FAM124B: variants seen among roughly 807,000 people sequenced by gnomAD.
The protein encoded by FAM124B is family with sequence similarity 124 member B, also known as protein FAM124B.
Under a neutral mutation model 19.7 loss-of-function variants are expected in FAM124B, and 18 were observed. The ratio of observed to expected loss-of-function variants is 0.92; its 90% CI spans 0.63 to 1.36. The LOEUF (loss-of-function observed/expected upper bound fraction) is 1.36. FAM124B is among the 40% of genes most tolerant of loss of function. The pLI is 0.00. For missense variants in FAM124B, 540 were observed against 553.3 expected (o/e 0.98, Z 0.24); for synonymous variants, 223 against 225.2 (o/e 0.99, Z 0.09).
At chr2:224,385,579 A>C (rs1393744524) in intron 1 of FAM124B, among the ~76,000 whole-genome samples, 11 of 152,180 alleles carry the variant, frequency 7.2e-5, no homozygotes. Context: ...CTGTCCCTTA[A>C]GCTTCATCTG....
chr2:224,388,421 T>A (rs1347985956), intron 1 of FAM124B, among the ~76,000 whole-genome samples: 3 of 152,232 alleles, frequency 2.0e-5, no homozygotes, highest in Non-Finnish European at 4.4e-5. Flanking sequence ...TAATAAATGC[T>A]ACAGCACTGA....
At chr2:224,400,436 G>A (rs1690046523) in intron 1 of FAM124B, 1 of 695,568 alleles carries the variant, frequency 1.4e-6, no homozygotes. Flanking sequence ...AACCCAGAAG[G>A]TGAAGACCTC....
chr2:224,398,386 C>T (rs1242209899), intron 1 of FAM124B, among the ~76,000 whole-genome samples: 2 of 152,132 alleles, frequency 1.3e-5, no homozygotes, highest in African/African-American at 2.4e-5. Flanking sequence ...GCCTGAGCCA[C>T]CACGCCCAAG....
At chr2:224,386,969 G>T (rs1298359985) in intron 1 of FAM124B, among the ~76,000 whole-genome samples, 3 of 152,068 alleles carry the variant, frequency 2.0e-5, no homozygotes, top group Admixed American at 6.5e-5. Context: ...CTTAAGAGAG[G>T]GGAATGTCCA....
At position 224,401,573 on chromosome 2, in the gene FAM124B, C is replaced by T. The variant is rs763486999; in HGVS notation, c.196G>A (p.Gly66Arg). Residue 66 changes from glycine (G) to arginine (R), a missense_variant, in exon 1 of 2, where the codon GGG becomes AGG. By Grantham distance (125) the Gly-to-Arg change is moderately radical. Coordinates refer to ENST00000409685, the MANE Select transcript of FAM124B (RefSeq NM_001122779.2). Reference sequence around the variant, plus strand: ...TGCAGGAAGAGCAACACGGACATCCCTGGAAACCGGGACCGCTTGGAATGG... The same window carrying T: ...TGCAGGAAGAGCAACACGGACATCCTTGGAAACCGGGACCGCTTGGAATGG... ...KSHSKRSRFPGMSVLLFLHES... is the reference protein window; with the variant it reads ...KSHSKRSRFPRMSVLLFLHES... 7 of 1,614,218 alleles carry T rather than the reference C, an allele frequency of 4.3e-6. No homozygotes were observed. The highest frequency in any genetic ancestry group is 5.9e-6 in the Non-Finnish European group (7 of 1,180,038).
rs542865785 is a variant in FAM124B at position 224,382,478 on chromosome 2, C to T, written c.733-2270G>A. ...AATCTGGAGTGCAATGGCGCAATCT[C>T]AGCTCACTGCAACCTCCACCTGCCA... On this transcript the variant is annotated intron_variant, in intron 1 of 1. Transcript: ENST00000409685. Among the ~76,000 whole-genome samples, 388 of 143,144 alleles carry T rather than the reference C, an allele frequency of 2.7e-3. 2 individuals carry two copies. The highest frequency in any genetic ancestry group is 4.2e-3 in the Non-Finnish European group (280 of 66,794). The allele number at this position is 143,144 out of a possible 152,430, so 93.9% of individuals were successfully genotyped here. A position where few individuals can be genotyped will look rare whatever the true frequency, so the allele number is the denominator to read the frequency against.
In FAM124B at chr2:224,379,737, C is replaced by G; in HGVS notation, c.1204G>C (p.Val402Leu). 6.4e-7 allele frequency: 1 copy of G among 1,551,650 alleles called. No homozygotes were observed. The highest frequency in any genetic ancestry group is 1.7e-4 in the Middle Eastern group (1 of 5,992). Residue 402 changes from valine to leucine, a missense_variant, in exon 2 of 2, where the codon GTG becomes CTG. Coordinates refer to ENST00000409685, the MANE Select transcript of FAM124B (RefSeq NM_001122779.2). ...ACACTGTTGTTTTTGGAGGTAGCCA[C>G]CCCCAAGGAAGAGGCTGGCAAGCAG... The part of the protein sequence containing the change: ...PFCLPASSLG[V>L]ATSKNNSVLK...
Position 224,401,164 on chromosome 2 carries a change from G to T in FAM124B, c.605C>A (p.Ser202Tyr). 6.2e-7 allele frequency: 1 copy of T among 1,614,180 alleles called. No homozygotes were observed. ...TTGAACCTTAAACTGCAGCACCGAA[G>T]ACTCTTTGGGGTCCACTGACATTCC... is the stretch of plus-strand genomic sequence containing the variant. ...PPGMSVDPKE[S>Y]SVLQFKVQEI... is the part of the protein sequence containing the mutation. The change falls in exon 1 of 2, where the codon TCT (serine) becomes TAT (tyrosine). Residue 202 changes from serine to tyrosine, a missense_variant. Ser to Tyr is a moderately radical substitution (Grantham distance 144, BLOSUM62 -2). Coordinates refer to ENST00000409685, the MANE Select transcript of FAM124B (RefSeq NM_001122779.2).
At chr2:224,384,982 A>C (rs1240803325) in intron 1 of FAM124B, among the ~76,000 whole-genome samples, 1 of 152,094 alleles carries the variant, frequency 6.6e-6, no homozygotes, top group East Asian at 1.9e-4. Flanking sequence ...TCGTGTCTTG[A>C]AAAACACATT....
intron 1 of FAM124B, 99 bp from the exon 2 acceptor site, chr2:224,380,307 A>C (rs1371125500): frequency 4.6e-6 from 5 of 1,080,238 alleles, no homozygotes; most frequent in Non-Finnish European, 6.5e-6. Flanking sequence ...TGCCATGCCC[A>C]TAGCAGACTT....
chr2:224,389,310 C>T (rs1689845353), intron 1 of FAM124B, among the ~76,000 whole-genome samples: 1 of 152,150 alleles, frequency 6.6e-6, no homozygotes, highest in Non-Finnish European at 1.5e-5. Flanking sequence ...GATTTTCTCA[C>T]CTTTTGTTAT....
Position 224,401,043 on chromosome 2 carries a change from C to T in FAM124B, c.726G>A (p.Leu242=). The change falls in exon 1 of 2, where the codon CTG becomes CTA. Residue 242 remains leucine, a synonymous_variant. Coordinates refer to ENST00000409685, the MANE Select transcript of FAM124B (RefSeq NM_001122779.2). ...QTQDYDGNKI[L]LQVQLNPELG... is the part of the protein sequence containing the mutation. ...TGAGACAAAACAGAAATACCTGAAG[C>T]AGAATCTTGTTGCCATCGTAGTCCT... is the stretch of plus-strand genomic sequence containing the variant. 4 of 1,592,906 alleles carry T rather than the reference C, an allele frequency of 2.5e-6. No individual in the cohort carries two copies. Among genetic ancestry groups the T allele is most frequent in the Non-Finnish European group, 3.4e-6 (4 of 1,168,018 alleles).
At chr2:224,396,573 C>A (rs1689973517) in intron 1 of FAM124B, among the ~76,000 whole-genome samples, 1 of 152,174 alleles carries the variant, frequency 6.6e-6, no homozygotes, top group South Asian at 2.1e-4. Flanking sequence ...CCATTTGGGA[C>A]CACTCTGTAT....
At chr2:224,400,239 C>T (rs189667405) in intron 1 of FAM124B, 301 of 438,598 alleles carry the variant, frequency 6.9e-4, no homozygotes, top group Admixed American at 4.0e-3. Flanking sequence ...GCACATGTAC[C>T]CCAGAACTTA....
intron 1 of FAM124B, among the ~76,000 whole-genome samples, chr2:224,382,052 G>A (rs1053975281): frequency 6.6e-6 from 1 of 152,032 alleles, no homozygotes; most frequent in Non-Finnish European, 1.5e-5. Context: ...GAAATGGTGA[G>A]GTGCATATTA....
At chr2:224,394,413 T>A (rs1186468460) in intron 1 of FAM124B, among the ~76,000 whole-genome samples, 1 of 152,118 alleles carries the variant, frequency 6.6e-6, no homozygotes, top group Non-Finnish European at 1.5e-5. Flanking sequence ...ACCCTCCATG[T>A]CCAATTACTG....
rs1477521637 is a variant in FAM124B, at chr2:224,379,921, T to C, written c.1020A>G (p.Glu340=). 1 of 1,551,854 alleles carries C rather than the reference T, an allele frequency of 6.4e-7. No individual in the cohort carries two copies. Among genetic ancestry groups the C allele is most frequent in the Admixed American group, 2.0e-5 (1 of 51,002 alleles). ...TGAGGACCTTCATTCTGGCCCCGGA[T>C]TCAAGGTGATGAGAAGACAGGTGCA... ...AHLHLSSHHL[E]SGARMKVLNR... is the part of the protein sequence containing the mutation. The change falls in exon 2 of 2, where the codon GAA becomes GAG. Residue 340 remains glutamate, a synonymous_variant. Coordinates refer to ENST00000409685, the MANE Select transcript of FAM124B (RefSeq NM_001122779.2).
intron 1 of FAM124B, among the ~76,000 whole-genome samples, chr2:224,397,304 T>C (rs1252536381): frequency 3.9e-5 from 6 of 152,172 alleles, no homozygotes; most frequent in South Asian, 2.1e-4. Context: ...CCATGTAAGA[T>C]GTGACTTGCT....
intron 1 of FAM124B, among the ~76,000 whole-genome samples, chr2:224,381,610 C>A (rs1279736742): frequency 6.6e-6 from 1 of 152,108 alleles, no homozygotes; most frequent in Non-Finnish European, 1.5e-5. Flanking sequence ...ATGGTGGATG[C>A]ACATCCTTAT....
Sources: gnomAD v4.1 joint callset for allele counts (sites outside exome capture counted in the v4.1 genomes callset) on GRCh38, gnomAD v4.1.1 for gene constraint, MANE v1.5 for transcripts, NCBI Gene and HGNC (gene_info 2026-07-23, HGNC 2026-07-21) for gene names.